The following RYR2 variants were observed in gnomAD, a reference collection of about 807,000 sequenced individuals.
The protein encoded by RYR2 is ryanodine receptor 2.
In RYR2, 227 loss-of-function variants were observed where a neutral mutation model predicts 601.1. The ratio of observed to expected loss-of-function variants is 0.38; its 90% CI spans 0.34 to 0.42. The LOEUF is 0.42. RYR2 is among the 10% of genes least tolerant of loss of function. The probability of loss-of-function intolerance (pLI) is 1.00; values close to 1 mark genes in which losing one functional copy is unlikely to be tolerated. For missense variants in RYR2, 4,646 were observed against 6,156.5 expected (o/e 0.75, Z 8.21); for synonymous variants, 2,223 against 2,175.1 (o/e 1.02, Z -0.61).
intron 2 of RYR2, among the ~76,000 whole-genome samples, chr1:237,303,940 T>A (rs1391399833): frequency 6.6e-6 from 1 of 152,188 alleles, no homozygotes; most frequent in Non-Finnish European, 1.5e-5. Context: ...ACCACAGCCT[T>A]GTTTTCCTTT....
intron 48 of RYR2, among the ~76,000 whole-genome samples, chr1:237,644,054 C>T (rs1410814799): frequency 6.6e-6 from 1 of 152,100 alleles, no homozygotes; most frequent in Non-Finnish European, 1.5e-5. Flanking sequence ...TATGTCCTGC[C>T]TTGTGTCATT....
At chr1:237,280,987 G>A (rs1690801301) in intron 2 of RYR2, among the ~76,000 whole-genome samples, 1 of 151,970 alleles carries the variant, frequency 6.6e-6, no homozygotes, top group Admixed American at 6.6e-5. Context: ...GTTTCACCAT[G>A]TTGGCCAAGC....
intron 1 of RYR2, among the ~76,000 whole-genome samples, chr1:237,220,223 G>C (rs1248260032): frequency 6.6e-6 from 1 of 152,208 alleles, no homozygotes; most frequent in African/African-American, 2.4e-5. Flanking sequence ...TGGAAGCCCA[G>C]CTGGGACAAA....
rs750259830 is a variant in RYR2 at position 237,783,789 on chromosome 1, T to G, written c.12077T>G (p.Leu4026Trp). 19 of 1,613,464 alleles carry G rather than the reference T, an allele frequency of 1.2e-5. No individual in the cohort carries two copies. Among genetic ancestry groups the G allele is most frequent in the Non-Finnish European group, 1.6e-5 (19 of 1,179,662 alleles). The part of the protein sequence containing the change: ...FFDMFLKLKD[L>W]TSSDTFKEYD... ...GACATGTTCTTAAAACTAAAGGATT[T>G]GACGTCGTCTGATACTTTTAAAGAA... is the stretch of plus-strand genomic sequence containing the variant. Residue 4026 changes from leucine to tryptophan, a missense_variant, in exon 90 of 105, where the codon TTG (leucine) becomes TGG (tryptophan). Physicochemically the swap from Leu to Trp is moderately conservative, Grantham distance 61 (BLOSUM62 -2). This residue lies in a region of RYR2 where 66 missense variants were observed against 80.7 expected (regional missense o/e 0.82). Coordinates refer to ENST00000366574, the MANE Select transcript of RYR2 (RefSeq NM_001035.3).
At chr1:237,313,071 ATC>A (rs1418919044) in intron 2 of RYR2, among the ~76,000 whole-genome samples, 1 of 150,004 alleles carries the variant, frequency 6.7e-6, no homozygotes, top group Non-Finnish European at 1.5e-5. Context: ...GCAAAATATT[ATC>A]TGTTCTATTA....
At chr1:237,208,980 A>AT (rs1192681049) in intron 1 of RYR2, among the ~76,000 whole-genome samples, 6,581 of 116,602 alleles carry the variant, frequency 0.056, 337 homozygotes, top group African/African-American at 0.074. Flanking sequence ...ATATATATAT[A>AT]TATATGTATA....
chr1:237,691,135 T>C (rs1558227806), intron 63 of RYR2, among the ~76,000 whole-genome samples: 1 of 152,220 alleles, frequency 6.6e-6, no homozygotes, highest in Non-Finnish European at 1.5e-5. Context: ...AAGCTTCACA[T>C]ATTCCCTGTA....
At chr1:237,695,168 T>C (rs1457250708) in intron 63 of RYR2, among the ~76,000 whole-genome samples, 1 of 152,178 alleles carries the variant, frequency 6.6e-6, no homozygotes, top group Non-Finnish European at 1.5e-5. Flanking sequence ...ATGCAAAAAT[T>C]ATTTATAGTT....
chr1:237,473,403 G>A (rs971576159), intron 17 of RYR2, among the ~76,000 whole-genome samples: 4 of 108,544 alleles, frequency 3.7e-5, no homozygotes, highest in African/African-American at 7.8e-5. Context: ...CAGCCTGGGC[G>A]ACAGAACGAG....
intron 8 of RYR2, among the ~76,000 whole-genome samples, chr1:237,380,400 A>T (rs1444085295): frequency 2.9e-5 from 1 of 35,002 alleles, no homozygotes; most frequent in South Asian, 7.3e-4. Context: ...ATATATATAT[A>T]TATATATATA....
intron 1 of RYR2, among the ~76,000 whole-genome samples, chr1:237,244,149 G>A (rs574262401): frequency 6.6e-5 from 10 of 152,334 alleles, no homozygotes; most frequent in Non-Finnish European, 1.0e-4. Context: ...AACAGGGCCA[G>A]TGTCCATAGG....
chr1:237,261,654 G>A (rs1572395402), intron 1 of RYR2, among the ~76,000 whole-genome samples: 1 of 152,166 alleles, frequency 6.6e-6, no homozygotes, highest in Admixed American at 6.5e-5. Context: ...CCAGCACTTT[G>A]GGAGGCCGAG....
At chr1:237,493,429 A>C (rs1282605169) in intron 19 of RYR2, among the ~76,000 whole-genome samples, 6 of 152,100 alleles carry the variant, frequency 3.9e-5, no homozygotes, top group Admixed American at 3.9e-4. Context: ...AATGTAACTA[A>C]AAACACTATC....
chr1:237,164,608 A>T (rs1220847711), intron 1 of RYR2, among the ~76,000 whole-genome samples: 1 of 152,192 alleles, frequency 6.6e-6, no homozygotes, highest in Non-Finnish European at 1.5e-5. Context: ...CGTGGCAGGG[A>T]CTGGCTGATG....
At chr1:237,781,822 TC>T (rs1219078291) in intron 89 of RYR2, among the ~76,000 whole-genome samples, 176 bp downstream of exon 89, 1 of 152,208 alleles carries the variant, frequency 6.6e-6, no homozygotes, top group Non-Finnish European at 1.5e-5. Context: ...TAAAGGGAGA[TC>T]CTGCATATCT....
At chr1:237,071,106 C>T (rs1013106513) in intron 1 of RYR2, among the ~76,000 whole-genome samples, 29 of 152,312 alleles carry the variant, frequency 1.9e-4, no homozygotes, top group African/African-American at 5.3e-4. Context: ...GTGAGTTAGT[C>T]GGAGAGGAGC....
At chr1:237,192,158 G>A (rs1680030384) in intron 1 of RYR2, among the ~76,000 whole-genome samples, 2 of 151,186 alleles carry the variant, frequency 1.3e-5, no homozygotes, top group African/African-American at 4.9e-5. Context: ...ACAATACTGC[G>A]GCCTCTGCTT....
At chr1:237,383,862 C>T (rs7511662) in intron 8 of RYR2, among the ~76,000 whole-genome samples, 73,662 of 151,946 alleles carry the variant, frequency 0.48, 18,541 homozygotes, top group Admixed American at 0.65. Flanking sequence ...TGTACTGCTG[C>T]TGGTGGACTG....
chr1:237,256,359 T>C (rs1572379909), intron 1 of RYR2, among the ~76,000 whole-genome samples: 1 of 152,190 alleles, frequency 6.6e-6, no homozygotes, highest in Admixed American at 6.5e-5. Flanking sequence ...AGCGTGAGAA[T>C]AGACTAATAC....
Sources: allele counts gnomAD v4.1 joint callset (sites outside exome capture counted in the v4.1 genomes callset), GRCh38; gene constraint gnomAD v4.1.1; regional missense constraint gnomAD v4.1.1; transcripts MANE v1.5; gene names NCBI Gene and HGNC (gene_info 2026-07-23, HGNC 2026-07-21).